MME: variants seen among roughly 807,000 people sequenced by gnomAD.
MME encodes neprilysin.
A neutral mutation model predicts 113.2 loss-of-function variants in MME; 98 were observed. The observed-to-expected ratio is 0.87, with a 90% CI of 0.74 to 1.02. The LOEUF (loss-of-function observed/expected upper bound fraction) is 1.02, where lower values mean the gene tolerates loss of function less well. Among genes scored for constraint, MME ranks in the 50% least tolerant of loss-of-function variants. The pLI, the probability that MME is intolerant of heterozygous loss-of-function variation, is 0.00. For synonymous variants in MME, 292 were observed against 300.6 expected, an observed-to-expected ratio of 0.97 and a Z score of 0.30; for missense variants, 836 against 896.0, an observed-to-expected ratio of 0.93 and a Z score of 0.86.
intron 1 of MME, among the ~76,000 whole-genome samples, chr3:155,057,789 A>G (rs945404332): frequency 1.3e-5 from 2 of 151,298 alleles, no homozygotes; most frequent in African/African-American, 4.9e-5. Flanking sequence ...GATCTAATTC[A>G]TCTCCTCTCC....
At chr3:155,142,920 T>C (rs1205735653) in intron 12 of MME, among the ~76,000 whole-genome samples, 1 of 152,138 alleles carries the variant, frequency 6.6e-6, no homozygotes, top group Non-Finnish European at 1.5e-5. Context: ...AAATTTCTAG[T>C]TTTTATCCTT....
chr3:155,108,595 T>TG (rs1361217401), intron 3 of MME, among the ~76,000 whole-genome samples: 70 of 143,820 alleles, frequency 4.9e-4, no homozygotes, highest in African/African-American at 1.7e-3. Context: ...AGACTTCATC[T>TG]CAAAAAAAAA....
At chr3:155,059,987 T>G (rs1576675804) in intron 1 of MME, among the ~76,000 whole-genome samples, 1 of 152,172 alleles carries the variant, frequency 6.6e-6, no homozygotes, top group African/African-American at 2.4e-5. Context: ...AGTCTCCAAG[T>G]AGGAGTTGTT....
intron 16 of MME, among the ~76,000 whole-genome samples, 167 bp downstream of exon 16, chr3:155,148,820 G>A (rs1721717305): frequency 6.6e-6 from 1 of 152,100 alleles, no homozygotes; most frequent in African/African-American, 2.4e-5. Context: ...CTAAAGATAT[G>A]GATCAAGACT....
At chr3:155,100,053 G>A (rs1471749483) in intron 3 of MME, among the ~76,000 whole-genome samples, 1 of 152,144 alleles carries the variant, frequency 6.6e-6, no homozygotes, top group Non-Finnish European at 1.5e-5. Flanking sequence ...TGACAAATGG[G>A]ATCTAATTAA....
intron 3 of MME, among the ~76,000 whole-genome samples, chr3:155,111,145 G>A (rs1316465216): frequency 6.6e-6 from 1 of 152,110 alleles, no homozygotes; most frequent in African/African-American, 2.4e-5. Flanking sequence ...TGTTTCCTAC[G>A]GCCTTCTACC....
chr3:155,107,619 C>T (rs1227116573), intron 3 of MME, among the ~76,000 whole-genome samples: 1 of 152,146 alleles, frequency 6.6e-6, no homozygotes, highest in Non-Finnish European at 1.5e-5. Flanking sequence ...ACAGTCATTA[C>T]TCATTATTTG....
chr3:155,033,252 G>A (rs1347054120), intron 1 of MME, among the ~76,000 whole-genome samples: 1 of 152,130 alleles, frequency 6.6e-6, no homozygotes, highest in African/African-American at 2.4e-5. Context: ...CATAAATTTA[G>A]AGTGTCCTGA....
At chr3:155,138,375 G>A in intron 9 of MME, 139 bp downstream of exon 9, 1 of 806,510 alleles carries the variant, frequency 1.2e-6, no homozygotes, top group African/African-American at 1.7e-5. Context: ...ATAGATCATT[G>A]ACTTCAAAAG....
chr3:155,068,706 GT>G (rs1262377927), intron 1 of MME, among the ~76,000 whole-genome samples: 2 of 152,176 alleles, frequency 1.3e-5, no homozygotes, highest in African/African-American at 4.8e-5. Flanking sequence ...GTTATTGAAA[GT>G]TTTTGAACAT....
At chr3:155,101,071 G>T (rs1287394293) in intron 3 of MME, among the ~76,000 whole-genome samples, 1 of 152,084 alleles carries the variant, frequency 6.6e-6, no homozygotes, top group Non-Finnish European at 1.5e-5. Flanking sequence ...GCTTATAAGT[G>T]TGTGGAACCC....
intron 14 of MME, among the ~76,000 whole-genome samples, chr3:155,145,140 G>A (rs1248722355): frequency 2.0e-5 from 3 of 152,128 alleles, no homozygotes; most frequent in Non-Finnish European, 4.4e-5. Flanking sequence ...AGTGGGTTAG[G>A]CCTAGAACCT....
chr3:155,053,960 A>G (rs1241696832), intron 1 of MME, among the ~76,000 whole-genome samples: 2 of 152,046 alleles, frequency 1.3e-5, no homozygotes, highest in Non-Finnish European at 2.9e-5. Flanking sequence ...ATAACTTCCA[A>G]TTTCTCCCTA....
At chr3:155,064,970 T>C (rs893137981) in intron 1 of MME, among the ~76,000 whole-genome samples, 22 of 152,194 alleles carry the variant, frequency 1.4e-4, no homozygotes, top group African/African-American at 5.3e-4. Context: ...AATTAGTGTC[T>C]CTGTTTCTGT....
chr3:155,082,012 C>A (rs1197688529), intron 1 of MME: 1 of 152,178 alleles, frequency 6.6e-6, no homozygotes, highest in Admixed American at 6.5e-5. Flanking sequence ...GTAACTGTTT[C>A]TGCAAACTTG....
chr3:155,069,384 TA>T (rs1363909969), intron 1 of MME, among the ~76,000 whole-genome samples: 1 of 151,962 alleles, frequency 6.6e-6, no homozygotes, highest in Non-Finnish European at 1.5e-5. Flanking sequence ...CAGAGAAAAT[TA>T]AAGATGCTTT....
At chr3:155,042,900 T>TTATATATATATA (rs1159626877) in intron 1 of MME, among the ~76,000 whole-genome samples, 13 of 62,956 alleles carry the variant, frequency 2.1e-4, no homozygotes, top group South Asian at 6.6e-4. Context: ...ATAGTAGGTT[T>TTATATATATATA]TATATATATA....
chr3:155,134,377 G>A (rs1720447772), intron 8 of MME, among the ~76,000 whole-genome samples: 2 of 152,170 alleles, frequency 1.3e-5, no homozygotes, highest in South Asian at 4.2e-4. Context: ...ACTTATAAAT[G>A]AGAACATGTG....
At chr3:155,029,219 G>A (rs1358157033) in intron 1 of MME, among the ~76,000 whole-genome samples, 1 of 152,044 alleles carries the variant, frequency 6.6e-6, no homozygotes, top group African/African-American at 2.4e-5. Flanking sequence ...TTGTATTAGT[G>A]TATTATCAAT....
Sources: gnomAD v4.1 joint callset for allele counts (sites outside exome capture counted in the v4.1 genomes callset) on GRCh38, gnomAD v4.1.1 for gene constraint, MANE v1.5 for transcripts, NCBI Gene and HGNC (gene_info 2026-07-23, HGNC 2026-07-21) for gene names.